Variants in IFNAR1 observed in about 807,000 individuals in gnomAD.
IFNAR1 encodes the protein interferon alpha and beta receptor subunit 1, also known as interferon alpha/beta receptor 1.
In IFNAR1, 47 loss-of-function variants were observed where a neutral mutation model predicts 62.1. That is an observed-to-expected ratio of 0.76 (90% CI 0.60 to 0.97). IFNAR1 has a LOEUF of 0.97. Among genes scored for constraint, IFNAR1 ranks in the 50% least tolerant of loss-of-function variants. IFNAR1 has a pLI of 0.00. For synonymous variants in IFNAR1, 219 were observed against 226.9 expected (o/e 0.97, Z 0.31); for missense variants, 638 against 654.5 (o/e 0.97, Z 0.27).
Position 33,356,511 on chromosome 21 carries a change from T to TA in IFNAR1, c.*963dup, listed in dbSNP as rs2083449899. On this transcript the variant is annotated 3_prime_UTR_variant, in exon 11 of 11. Transcript: ENST00000270139. ...GCTTCCACATCACAGTATCTACCCTTACATGGTTTAGGATTAAAGCCAGGC... is the reference window on the plus strand; with the variant it reads ...GCTTCCACATCACAGTATCTACCCTTAACATGGTTTAGGATTAAAGCCAGGC... 1.3e-5 allele frequency: 2 copies of TA among 152,314 alleles called. No homozygotes were observed. Among genetic ancestry groups the TA allele is most frequent in the East Asian group, 3.9e-4 (2 of 5,186 alleles). 9.4% of individuals were successfully genotyped at this position (152,314 alleles called of 1,614,324 possible).
chr21:33,353,875 A>G, intron 10 of IFNAR1, 92 bp downstream of exon 10: 1 of 827,070 alleles, frequency 1.2e-6, no homozygotes, highest in Non-Finnish European at 1.9e-6. Context: ...TTTTCTTGAT[A>G]TCCAGAAAAT....
intron 8 of IFNAR1, among the ~76,000 whole-genome samples, chr21:33,351,151 A>C (rs1601864325): frequency 1.3e-5 from 2 of 152,280 alleles, no homozygotes; most frequent in East Asian, 3.9e-4. Context: ...TTGTACATGA[A>C]TTGTCTCAGT....
intron 2 of IFNAR1, among the ~76,000 whole-genome samples, chr21:33,336,985 A>G (rs1019954332): frequency 1.3e-5 from 2 of 152,044 alleles, no homozygotes; most frequent in African/African-American, 2.4e-5. Flanking sequence ...TTCTTACCTC[A>G]GGTGGTCTGC....
Position 33,355,465 on chromosome 21 carries a change from A to G in IFNAR1, c.1590A>G (p.Gln530=). ...AAGATCATAAAAAATACAGTTCCCA[A>G]ACTAGCCAAGATTCAGGAAATTATT... ...TDEDHKKYSS[Q]TSQDSGNYSN... is the part of the protein sequence containing the mutation. Residue 530 remains glutamine, a synonymous_variant, in exon 11 of 11, where the codon CAA becomes CAG. Transcript: ENST00000270139. The G allele has an allele frequency of 1.2e-6, 2 of 1,609,178 alleles. No individual in the cohort carries two copies. The highest frequency in any genetic ancestry group is 1.7e-6 in the Non-Finnish European group (2 of 1,177,806).
At chr21:33,331,992 A>G (rs2083186002) in intron 1 of IFNAR1, among the ~76,000 whole-genome samples, 1 of 152,010 alleles carries the variant, frequency 6.6e-6, no homozygotes, top group South Asian at 2.1e-4. Context: ...GAGCAAACCC[A>G]CCTCAGCAAC....
intron 10 of IFNAR1, among the ~76,000 whole-genome samples, chr21:33,355,023 C>T (rs904256022): frequency 3.3e-5 from 5 of 151,940 alleles, no homozygotes; most frequent in South Asian, 2.1e-4. Flanking sequence ...AGAGTCCGCC[C>T]GCTCCTGTCC....
chr21:33,336,747 CTTT>C (rs562998490), intron 2 of IFNAR1, among the ~76,000 whole-genome samples: 10 of 92,686 alleles, frequency 1.1e-4, no homozygotes, highest in East Asian at 8.9e-4. Flanking sequence ...TTTAGGTACA[CTTT>C]TTTTTTTTTT....
intron 2 of IFNAR1, among the ~76,000 whole-genome samples, chr21:33,340,133 A>G (rs757578306): frequency 6.6e-6 from 1 of 151,912 alleles, no homozygotes; most frequent in Non-Finnish European, 1.5e-5. Context: ...TCCACTTCCA[A>G]AAATTTATTT....
At chr21:33,338,198 A>G (rs957882310) in intron 2 of IFNAR1, among the ~76,000 whole-genome samples, 1 of 152,118 alleles carries the variant, frequency 6.6e-6, no homozygotes, top group Non-Finnish European at 1.5e-5. Flanking sequence ...GAAACCTGCC[A>G]TGAGATATTG....
chr21:33,349,936 G>A (rs1568932519), intron 8 of IFNAR1, among the ~76,000 whole-genome samples: 3 of 151,448 alleles, frequency 2.0e-5, no homozygotes, highest in African/African-American at 7.3e-5. Flanking sequence ...AAAAAAAAAT[G>A]TGATTAACTC....
intron 10 of IFNAR1, among the ~76,000 whole-genome samples, chr21:33,354,016 G>T (rs566456020): frequency 6.6e-6 from 1 of 152,308 alleles, no homozygotes; most frequent in South Asian, 2.1e-4. Context: ...GCAATTCCTA[G>T]ATTCACTGTG....
At chr21:33,327,994 G>A (rs1398915561) in intron 1 of IFNAR1, among the ~76,000 whole-genome samples, 1 of 152,214 alleles carries the variant, frequency 6.6e-6, no homozygotes, top group African/African-American at 2.4e-5. Flanking sequence ...TTATCATGCA[G>A]ATCAAGCTTG....
intron 1 of IFNAR1, among the ~76,000 whole-genome samples, chr21:33,330,258 G>A (rs1057143039): frequency 6.6e-6 from 1 of 152,134 alleles, no homozygotes; most frequent in Non-Finnish European, 1.5e-5. Context: ...GAGATGGGCG[G>A]TTGTTGTTGT....
chr21:33,345,586 G>A (rs540165612), intron 6 of IFNAR1, among the ~76,000 whole-genome samples: 5 of 152,212 alleles, frequency 3.3e-5, no homozygotes, highest in Admixed American at 2.0e-4. Flanking sequence ...TTCTTCACTT[G>A]TAAAATAGAT....
Position 33,341,178 on chromosome 21 carries a change from A to T in IFNAR1, c.376+4A>T. 1.2e-6 allele frequency: 2 copies of T among 1,600,584 alleles called. No individual in the cohort carries two copies. The highest frequency in any genetic ancestry group is 2.2e-5 in the South Asian group (2 of 89,660). On this transcript the variant is annotated splice_donor_region_variant and intron_variant, in intron 3 of 10. Coordinates refer to ENST00000270139, the MANE Select transcript of IFNAR1 (RefSeq NM_000629.3). ...TCATTTACACCATTTCGCAAAGGTA[A>T]GAAAAAGTTGCTAGCTGAATTATAT...
intron 2 of IFNAR1, among the ~76,000 whole-genome samples, chr21:33,339,927 CAAAAAAAAAAA>C (rs532975886): frequency 3.7e-5 from 3 of 81,832 alleles, no homozygotes; most frequent in Admixed American, 1.5e-4. Context: ...GACTCTGTCT[CAAAAAAAAAAA>C]AAAAAAAAAA....
At chr21:33,326,097 T>G (rs1294168286) in intron 1 of IFNAR1, among the ~76,000 whole-genome samples, 2 of 152,208 alleles carry the variant, frequency 1.3e-5, no homozygotes, top group Admixed American at 6.5e-5. Flanking sequence ...ATTGTAATGT[T>G]GCTCAGTCTT....
At chr21:33,343,170 T>C (rs1339948217) in intron 3 of IFNAR1, 98 bp from the exon 4 acceptor site, 1 of 920,650 alleles carries the variant, frequency 1.1e-6, no homozygotes, top group Non-Finnish European at 1.7e-6. Flanking sequence ...CTCCCAGAAG[T>C]GGCAGGCACA....
chr21:33,334,475 C>A, intron 1 of IFNAR1: 1 of 335,064 alleles, frequency 3.0e-6, no homozygotes. Context: ...CTGTATATGG[C>A]AAAATTGCCC....
Sources: allele counts gnomAD v4.1 joint callset (sites outside exome capture counted in the v4.1 genomes callset), GRCh38; gene constraint gnomAD v4.1.1; transcripts MANE v1.5; gene names NCBI Gene and HGNC (gene_info 2026-07-23, HGNC 2026-07-21).